The following HTRA4 variants were observed in gnomAD, a reference collection of about 807,000 sequenced individuals.
The protein encoded by HTRA4 is HtrA serine peptidase 4.
HTRA4 carries 46 observed loss-of-function variants against 49.1 expected under a neutral mutation model. That is an observed-to-expected ratio of 0.94 (90% CI 0.74 to 1.20). The LOEUF (loss-of-function observed/expected upper bound fraction) is 1.20, where lower values mean the gene tolerates loss of function less well. Among genes scored for constraint, HTRA4 ranks in the 50% most tolerant of loss-of-function variants. HTRA4 has a pLI of 0.00. For synonymous variants in HTRA4, 261 were observed against 264.0 expected (o/e 0.99, Z 0.11); for missense variants, 602 against 636.9 (o/e 0.95, Z 0.59).
intron 8 of HTRA4, among the ~76,000 whole-genome samples, 167 bp from the exon 9 acceptor site, chr8:38,987,767 CAT>C (rs1232955866): frequency 6.6e-6 from 1 of 152,056 alleles, no homozygotes; most frequent in Non-Finnish European, 1.5e-5. Context: ...TTTTTTGCAG[CAT>C]ATTTTAGAAT....
At position 38,976,460 on chromosome 8, in the gene HTRA4, C is replaced by T; in HGVS notation, c.567-75C>T. The T allele has an allele frequency of 3.8e-6, 5 of 1,331,172 alleles. No homozygotes were observed. The South Asian group carries it at 5.9e-5, about 16-fold the overall frequency. 82.5% of individuals were successfully genotyped at this position (1,331,172 alleles called of 1,614,324 possible). A position where few individuals can be genotyped will look rare whatever the true frequency, so the allele number is the denominator to read the frequency against. ...AGGTATGTTTAATAAGAGTGAGGTT[C>T]CCATGACTCAGATTATATGGCTGTA... On this transcript the variant is annotated intron_variant, in intron 2 of 8. Coordinates refer to ENST00000302495, the MANE Select transcript of HTRA4 (RefSeq NM_153692.4).
chr8:38,982,431 G>T, intron 6 of HTRA4, 67 bp from the exon 7 acceptor site: 1 of 1,327,516 alleles, frequency 7.5e-7, no homozygotes. Context: ...CTGGGACATG[G>T]GTGTCTTTTA....
intron 6 of HTRA4, among the ~76,000 whole-genome samples, chr8:38,982,089 C>T (rs1003871939): frequency 6.6e-6 from 1 of 152,072 alleles, no homozygotes; most frequent in Non-Finnish European, 1.5e-5. Context: ...CTCCAGTGAT[C>T]CGCTTGCCTC....
At chr8:38,976,761 C>G in intron 3 of HTRA4, 22 bp downstream of exon 3, 1 of 1,611,560 alleles carries the variant, frequency 6.2e-7, no homozygotes, top group South Asian at 1.1e-5. Context: ...AGGGCTGAGT[C>G]AGAGTCTACA....
intron 3 of HTRA4, 100 bp downstream of exon 3, chr8:38,976,839 T>A (rs1341493719): frequency 9.0e-7 from 1 of 1,112,368 alleles, no homozygotes; most frequent in African/African-American, 1.6e-5. Context: ...ACATCTTTTC[T>A]GTTGAATATA....
chr8:38,981,683 A>C lies in HTRA4; in HGVS notation c.1030A>C (p.Arg344=), dbSNP rs1835426002. The part of the protein sequence containing the change: ...DGDVIGVNSL[R]VTDGISFAIP... ...TGATGTGATTGGCGTCAATTCATTG[A>C]GGGTGACTGATGGAATCTCCTTTGC... Residue 344 remains arginine (R), a synonymous_variant, in exon 6 of 9, where the codon AGG becomes CGG. Transcript: ENST00000302495. 6.2e-7 allele frequency: 1 copy of C among 1,613,430 alleles called. No homozygotes were observed. Among genetic ancestry groups the C allele is most frequent in the African/African-American group, 1.3e-5 (1 of 74,714 alleles).
chr8:38,979,473 C>T (rs921277572), intron 5 of HTRA4, among the ~76,000 whole-genome samples: 3 of 152,166 alleles, frequency 2.0e-5, no homozygotes. Context: ...ACTTGGGTGC[C>T]ACTCTTGTGT....
rs1835322817 is a variant in HTRA4 at position 38,974,708 on chromosome 8, TG to T, written c.450del (p.Asn151ThrfsTer56). The T allele has an allele frequency of 7.0e-7, 1 of 1,425,398 alleles. No homozygotes were observed. The highest frequency in any genetic ancestry group is 9.1e-7 in the Non-Finnish European group (1 of 1,099,468). The allele number at this position is 1,425,398 out of a possible 1,614,324, so 88.3% of individuals were successfully genotyped here. On this transcript the variant is annotated frameshift_variant, in exon 1 of 9. Coordinates refer to ENST00000302495, the MANE Select transcript of HTRA4 (RefSeq NM_153692.4). LOFTEE classifies it high-confidence loss of function. ...CAAGGTCCCGGCCGTGCCTGTGCAGTGGGGGAACTGCGGGGATACAGGTGAG... is the reference window on the plus strand; with the variant it reads ...CAAGGTCCCGGCCGTGCCTGTGCAGTGGGGAACTGCGGGGATACAGGTGAG... Reference protein sequence around the residue: ...LGKVPAVPVQWGNCGDTGTRS... With the variant: ...LGKVPAVPVQXGNCGDTGTRS...
At chr8:38,983,302 C>T (rs192484171) in intron 8 of HTRA4, among the ~76,000 whole-genome samples, 1 of 152,268 alleles carries the variant, frequency 6.6e-6, no homozygotes, top group African/African-American at 2.4e-5. Context: ...TTTGGAAGGC[C>T]AGGGTGGGTG....
rs772215054 is a variant in HTRA4 at position 38,988,004 on chromosome 8, T to C, written c.1337T>C (p.Val446Ala). The C allele has an allele frequency of 1.9e-6, 3 of 1,612,366 alleles. No homozygotes were observed. Among genetic ancestry groups the C allele is most frequent in the African/African-American group, 2.7e-5 (2 of 74,848 alleles). The part of the protein sequence containing the change: ...NGKPITTTTD[V>A]VKALDSDSLS... The stretch of plus-strand genomic sequence containing the variant: ...AAACCTATTACTACTACAACTGATG[T>C]TGTTAAAGCTCTTGACAGTGATTCC... Residue 446 changes from valine to alanine, a missense_variant, in exon 9 of 9, where the codon GTT becomes GCT. Val to Ala is a moderately conservative substitution (Grantham distance 64). Coordinates refer to ENST00000302495, the MANE Select transcript of HTRA4 (RefSeq NM_153692.4).
At chr8:38,985,243 C>A (rs1003910532) in intron 8 of HTRA4, among the ~76,000 whole-genome samples, 8 of 150,088 alleles carry the variant, frequency 5.3e-5, no homozygotes, top group Admixed American at 2.7e-4. Context: ...TCACTGCAAC[C>A]TCTGCCTCCT....
At chr8:38,981,068 T>G (rs1045768572) in intron 5 of HTRA4, among the ~76,000 whole-genome samples, 7 of 49,212 alleles carry the variant, frequency 1.4e-4, no homozygotes, top group Admixed American at 6.5e-4. Context: ...CTTAAGTTTT[T>G]TTTTTTTTTT....
chr8:38,987,063 A>G (rs1835490281), intron 8 of HTRA4, among the ~76,000 whole-genome samples: 1 of 152,014 alleles, frequency 6.6e-6, no homozygotes, highest in African/African-American at 2.4e-5. Context: ...TTAGTTTTAT[A>G]CTTAAGCGTC....
chr8:38,976,866 C>A (rs1048468243), intron 3 of HTRA4, 127 bp downstream of exon 3: 2 of 869,882 alleles, frequency 2.3e-6, no homozygotes, highest in Non-Finnish European at 1.8e-6. Context: ...TCTCTGGTTT[C>A]TTTCTGTTCT....
intron 5 of HTRA4, among the ~76,000 whole-genome samples, chr8:38,981,299 T>G (rs971716834): frequency 1.3e-5 from 2 of 151,726 alleles, no homozygotes; most frequent in African/African-American, 4.8e-5. Flanking sequence ...CAGGATGGTC[T>G]CGATCTCCTG....
intron 5 of HTRA4, 57 bp from the exon 6 acceptor site, chr8:38,981,596 C>T: frequency 8.5e-7 from 1 of 1,174,022 alleles, no homozygotes; most frequent in Admixed American, 1.7e-5. Flanking sequence ...TTGTTCTGGT[C>T]TTGCACTCAT....
chr8:38,978,702 G>A (rs1420436346), intron 4 of HTRA4, among the ~76,000 whole-genome samples: 1 of 152,076 alleles, frequency 6.6e-6, no homozygotes, highest in Non-Finnish European at 1.5e-5. Context: ...CTGTAAGAAG[G>A]TGGTGGTCCC....
chr8:38,979,603 C>T (rs7833430), intron 5 of HTRA4, among the ~76,000 whole-genome samples: 64,798 of 151,962 alleles, frequency 0.43, 14,256 homozygotes, highest in East Asian at 0.75. Context: ...GTTCTAGCTC[C>T]GGCTTCCTTT....
chr8:38,974,623 G>C lies in HTRA4; in HGVS notation c.360G>C (p.Arg120Ser), dbSNP rs1338298416. The C allele has an allele frequency of 4.0e-5, 57 of 1,427,724 alleles. No homozygotes were observed. The highest frequency in any genetic ancestry group is 5.1e-5 in the Non-Finnish European group (56 of 1,098,008). The allele number at this position is 1,427,724 out of a possible 1,614,324, so 88.4% of individuals were successfully genotyped here. Residue 120 changes from arginine to serine, a missense_variant, in exon 1 of 9, where the codon AGG (arginine) becomes AGC (serine). Transcript: ENST00000302495. ...GAGGGGCCGTGTGCGGCAGCGACAG[G>C]CGCACCTACCCCAGCATGTGCGCGC... ...TLGGAVCGSD[R>S]RTYPSMCALR...
Sources: gnomAD v4.1 joint callset for allele counts (sites outside exome capture counted in the v4.1 genomes callset) on GRCh38, gnomAD v4.1.1 for gene constraint, MANE v1.5 for transcripts, NCBI Gene and HGNC (gene_info 2026-07-23, HGNC 2026-07-21) for gene names.